LRP6: variants seen among roughly 807,000 people sequenced by gnomAD.
LRP6 encodes low-density lipoprotein receptor-related protein 6.
A neutral mutation model predicts 184.1 loss-of-function variants in LRP6; 43 were observed. The observed-to-expected ratio is 0.23, with a 90% CI of 0.18 to 0.30. The LOEUF is 0.30. Among genes scored for constraint, LRP6 ranks in the 10% least tolerant of loss-of-function variants. The pLI is 1.00. For missense variants in LRP6, 1,571 were observed against 2,005.3 expected, an observed-to-expected ratio of 0.78 and a Z score of 4.14; for synonymous variants, 719 against 684.9, an observed-to-expected ratio of 1.05 and a Z score of -0.78.
intron 19 of LRP6, among the ~76,000 whole-genome samples, chr12:12,130,031 GAT>G (rs1949726268): frequency 6.6e-6 from 1 of 151,988 alleles, no homozygotes; most frequent in Non-Finnish European, 1.5e-5. Flanking sequence ...TAGGCTAAAT[GAT>G]ATATATGTTA....
intron 1 of LRP6, among the ~76,000 whole-genome samples, chr12:12,255,951 T>C (rs935374998): frequency 1.3e-5 from 2 of 152,116 alleles, no homozygotes; most frequent in Non-Finnish European, 2.9e-5. Context: ...TAATATGTAT[T>C]TCCCTCTATC....
chr12:12,250,566 A>G (rs2135929379), intron 1 of LRP6, among the ~76,000 whole-genome samples: 1 of 152,034 alleles, frequency 6.6e-6, no homozygotes, highest in East Asian at 1.9e-4. Context: ...TAATTTTATC[A>G]TCAATGCCTA....
chr12:12,192,245 C>T (rs751293229), intron 3 of LRP6, among the ~76,000 whole-genome samples: 1 of 151,828 alleles, frequency 6.6e-6, no homozygotes, highest in South Asian at 2.1e-4. Context: ...ACAAAATGCA[C>T]GTTGCAATCC....
chr12:12,220,015 G>A (rs768253318), intron 2 of LRP6, among the ~76,000 whole-genome samples: 20 of 152,144 alleles, frequency 1.3e-4, no homozygotes, highest in African/African-American at 4.1e-4. Context: ...AGCTGGGCAC[G>A]GTGGTTCACG....
chr12:12,151,870 G>T (rs905233930), intron 12 of LRP6, among the ~76,000 whole-genome samples: 6 of 152,096 alleles, frequency 3.9e-5, no homozygotes, highest in Non-Finnish European at 7.4e-5. Flanking sequence ...TTTATTACCA[G>T]TAGTGGCAGT....
Position 12,162,244 on chromosome 12 carries a change from A to G in LRP6, c.2228T>C (p.Val743Ala), listed in dbSNP as rs1450722002. Residue 743 changes from valine (V) to alanine (A), a missense_variant, in exon 10 of 23, where the codon GTG becomes GCG. Val to Ala is a moderately conservative substitution (Grantham distance 64). Around this residue, in one of 4 missense-constraint regions of LRP6, gnomAD observed 158 missense variants for 258.4 expected, o/e 0.61. Transcript: ENST00000261349. ...KLDGQHRQVL[V>A]WKDLDSPRAL... ...TCTGGGACTATCTAGGTCTTTCCAC[A>G]CCAAAACTTGTCGGTGCTGCCCATC... The G allele has an allele frequency of 1.9e-6, 3 of 1,614,020 alleles. No individual in the cohort carries two copies. Among genetic ancestry groups the G allele is most frequent in the East Asian group, 2.2e-5 (1 of 44,898 alleles).
At chr12:12,221,365 T>A (rs1864484180) in intron 2 of LRP6, among the ~76,000 whole-genome samples, 1 of 152,144 alleles carries the variant, frequency 6.6e-6, no homozygotes, top group Admixed American at 6.5e-5. Context: ...GATAACCAGT[T>A]CTTGAATATT....
chr12:12,136,079 C>A (rs1305995884), intron 16 of LRP6, among the ~76,000 whole-genome samples: 1 of 151,754 alleles, frequency 6.6e-6, no homozygotes, highest in Non-Finnish European at 1.5e-5. Context: ...CCCAGCTACT[C>A]GGGAGGCTGA....
chr12:12,138,850 T>C, intron 15 of LRP6: 1 of 1,382,854 alleles, frequency 7.2e-7, no homozygotes, highest in South Asian at 1.1e-5. Flanking sequence ...AAATGGCACT[T>C]CTCTGGAGGA....
At chr12:12,135,930 A>C (rs1949832563) in intron 16 of LRP6, among the ~76,000 whole-genome samples, 1 of 152,112 alleles carries the variant, frequency 6.6e-6, no homozygotes, top group African/African-American at 2.4e-5. Context: ...CACGCCTGTA[A>C]TCCTAGCACT....
intron 22 of LRP6, among the ~76,000 whole-genome samples, chr12:12,121,669 A>C (rs1195963237): frequency 6.6e-6 from 1 of 152,214 alleles, no homozygotes. Flanking sequence ...GGTGAATTCA[A>C]TCTAGCCTCT....
Position 12,131,984 on chromosome 12 carries a change from C to G in LRP6, c.3807G>C (p.Arg1269=). The G allele has an allele frequency of 6.2e-7, 1 of 1,614,098 alleles. No individual in the cohort carries two copies. The highest frequency in any genetic ancestry group is 8.5e-7 in the Non-Finnish European group (1 of 1,180,020). The change falls in exon 18 of 23, where the codon CGG becomes CGC. Residue 1269 remains arginine, a synonymous_variant. Transcript: ENST00000261349. Reference sequence around the variant, plus strand: ...CTTCACATTCAGTAAACCCATCGCACCGCCAAGCCACAGGGATACAGTCAA... The same window carrying G: ...CTTCACATTCAGTAAACCCATCGCAGCGCCAAGCCACAGGGATACAGTCAA... ...GEIDCIPVAW[R]CDGFTECEDH...
At position 12,119,991 on chromosome 12, in the gene LRP6, ATATAT is replaced by A. The variant is rs1565518815; in HGVS notation, c.*1130_*1134del. The A allele has an allele frequency of 7.7e-3, 25 of 3,232 alleles. No individual in the cohort carries two copies. Among genetic ancestry groups the A allele is most frequent in the Non-Finnish European group, 0.014 (18 of 1,256 alleles). 0.2% of individuals were successfully genotyped at this position (3,232 alleles called of 1,614,324 possible). ...CTCAGAAAACAAACAAACAAACAAA[ATATAT>A]ATATATATATATATATATATATATA... is the stretch of plus-strand genomic sequence containing the variant. On this transcript the variant is annotated 3_prime_UTR_variant, in exon 23 of 23. Transcript: ENST00000261349.
At chr12:12,145,614 T>C (rs1174369704) in intron 15 of LRP6, among the ~76,000 whole-genome samples, 2 of 103,342 alleles carry the variant, frequency 1.9e-5, no homozygotes, top group African/African-American at 3.6e-5. Flanking sequence ...CACATTTCTT[T>C]TTTCTTTTTC....
At chr12:12,176,869 CAG>C (rs1863198374) in intron 7 of LRP6, among the ~76,000 whole-genome samples, 1 of 103,480 alleles carries the variant, frequency 9.7e-6, no homozygotes, top group South Asian at 3.0e-4. Context: ...TTTTTTTAGA[CAG>C]AGTCTTGTTC....
intron 4 of LRP6, among the ~76,000 whole-genome samples, chr12:12,185,012 A>C (rs906675598): frequency 1.3e-5 from 2 of 152,120 alleles, no homozygotes; most frequent in East Asian, 1.9e-4. Flanking sequence ...GAAAAACAAG[A>C]GGCCAGGCAC....
intron 3 of LRP6, 114 bp downstream of exon 3, chr12:12,203,089 C>A: frequency 2.9e-6 from 2 of 691,792 alleles, no homozygotes; most frequent in Non-Finnish European, 4.8e-6. Flanking sequence ...TATTCTTCTT[C>A]CCCTCTGGCA....
At chr12:12,243,845 G>A (rs1865120968) in intron 2 of LRP6, among the ~76,000 whole-genome samples, 1 of 152,160 alleles carries the variant, frequency 6.6e-6, no homozygotes, top group African/African-American at 2.4e-5. Context: ...CTGCCTCCTG[G>A]GTTCAAGTGA....
Position 12,159,015 on chromosome 12 carries a change from T to C in LRP6, c.2605A>G (p.Ile869Val). 1.2e-6 allele frequency: 2 copies of C among 1,614,180 alleles called. No individual in the cohort carries two copies. The highest frequency in any genetic ancestry group is 8.5e-7 in the Non-Finnish European group (1 of 1,180,028). The change falls in exon 12 of 23, where the codon ATT (isoleucine) becomes GTT (valine). Residue 869 changes from isoleucine to valine, a missense_variant. Transcript: ENST00000261349. ...NKTSGQNRTIIQGHLDYVMDI... is the reference protein window; with the variant it reads ...NKTSGQNRTIVQGHLDYVMDI... ...ATCACATAATCCAAATGGCCCTGAA[T>C]GATGGTGCGGTTTTGGCCACTGGTT...
Sources: allele counts gnomAD v4.1 joint callset (sites outside exome capture counted in the v4.1 genomes callset), GRCh38; gene constraint gnomAD v4.1.1; regional missense constraint gnomAD v4.1.1; transcripts MANE v1.5; gene names NCBI Gene and HGNC (gene_info 2026-07-23, HGNC 2026-07-21).